The following MORC1 variants were observed in gnomAD, a reference collection of about 807,000 sequenced individuals.
MORC1 encodes the protein MORC family CW-type zinc finger 1, also known as MORC family CW-type zinc finger protein 1.
A neutral mutation model predicts 134.9 loss-of-function variants in MORC1; 59 were observed. The ratio of observed to expected loss-of-function variants is 0.44; its 90% CI spans 0.35 to 0.54. The LOEUF is 0.54. Ranked by LOEUF, MORC1 falls within the 20% of genes least tolerant of loss-of-function variation. The pLI, the probability that MORC1 is intolerant of heterozygous loss-of-function variation, is 0.00. For missense variants in MORC1, 947 were observed against 1,134.5 expected, an observed-to-expected ratio of 0.83 and a Z score of 2.37; for synonymous variants, 395 against 391.7, an observed-to-expected ratio of 1.01 and a Z score of -0.10.
chr3:108,963,071 C>A (rs1353611847), intron 27 of MORC1, among the ~76,000 whole-genome samples: 1 of 151,934 alleles, frequency 6.6e-6, no homozygotes, highest in East Asian at 1.9e-4. Context: ...GCCTGTAGTT[C>A]CAGCTACTCG....
At chr3:109,042,091 A>G (rs1237807933) in intron 14 of MORC1, among the ~76,000 whole-genome samples, 1 of 152,208 alleles carries the variant, frequency 6.6e-6, no homozygotes, top group Non-Finnish European at 1.5e-5. Context: ...ATACCACTTT[A>G]TACTCATTAG....
At chr3:108,976,915 G>A (rs1035706662) in intron 24 of MORC1, among the ~76,000 whole-genome samples, 3 of 151,992 alleles carry the variant, frequency 2.0e-5, no homozygotes, top group Non-Finnish European at 4.4e-5. Context: ...TTGATCACAT[G>A]TAACTCACTA....
At chr3:109,087,179 A>AAAC (rs10648829) in intron 8 of MORC1, among the ~76,000 whole-genome samples, 128,622 of 151,680 alleles carry the variant, frequency 0.85, 54,731 homozygotes, top group East Asian at 0.93. Flanking sequence ...ACCACCTGGC[A>AAAC]AACAAGGGAG....
intron 24 of MORC1, among the ~76,000 whole-genome samples, chr3:108,977,307 A>G (rs1357783721): frequency 1.3e-5 from 2 of 152,250 alleles, no homozygotes. Context: ...AAACTAATTT[A>G]TAAAAAGTAA....
intron 21 of MORC1, among the ~76,000 whole-genome samples, chr3:108,996,869 G>C (rs1948245686): frequency 6.6e-6 from 1 of 151,940 alleles, no homozygotes; most frequent in Non-Finnish European, 1.5e-5. Context: ...AATTAGCCGG[G>C]CATGGTGGCG....
chr3:108,971,527 C>G, intron 24 of MORC1, 125 bp from the exon 25 acceptor site: 1 of 760,952 alleles, frequency 1.3e-6, no homozygotes, highest in South Asian at 1.8e-5. Context: ...TAGTTCCCCC[C>G]AAACATTTTG....
At chr3:108,959,239 A>C in intron 27 of MORC1, 119 bp from the exon 28 acceptor site, 1 of 744,746 alleles carries the variant, frequency 1.3e-6, no homozygotes, top group Non-Finnish European at 2.1e-6. Flanking sequence ...GCCACCTTAC[A>C]TTTGAATCAT....
chr3:109,099,281 C>T (rs930144707), intron 6 of MORC1, 77 bp downstream of exon 6: 7 of 1,012,342 alleles, frequency 6.9e-6, no homozygotes, highest in Middle Eastern at 2.1e-4. Flanking sequence ...GAACCCATGA[C>T]AAGACTTCAC....
At chr3:109,026,856 G>C (rs534529540) in intron 17 of MORC1, among the ~76,000 whole-genome samples, 2 of 152,140 alleles carry the variant, frequency 1.3e-5, no homozygotes, top group Non-Finnish European at 2.9e-5. Context: ...GAGACCCTAA[G>C]ACTCCAGGGT....
At chr3:109,102,037 G>A (rs1004853071) in intron 4 of MORC1, among the ~76,000 whole-genome samples, 16 of 152,142 alleles carry the variant, frequency 1.1e-4, no homozygotes, top group African/African-American at 3.9e-4. Context: ...ACTATGTCAT[G>A]GTAGGAGAAA....
intron 23 of MORC1, among the ~76,000 whole-genome samples, chr3:108,980,592 A>T (rs1435401449): frequency 6.6e-6 from 1 of 152,188 alleles, no homozygotes; most frequent in African/African-American, 2.4e-5. Flanking sequence ...TTTGGAATAA[A>T]AAGTCACTTT....
intron 8 of MORC1, among the ~76,000 whole-genome samples, chr3:109,079,548 G>A (rs1950487382): frequency 6.6e-6 from 1 of 151,742 alleles, no homozygotes; most frequent in Non-Finnish European, 1.5e-5. Flanking sequence ...ATAGTAACTA[G>A]AATAAATATC....
At chr3:109,100,559 C>T (rs760430215) in intron 4 of MORC1, 52 bp from the exon 5 acceptor site, 9 of 1,378,874 alleles carry the variant, frequency 6.5e-6, no homozygotes, top group Non-Finnish European at 8.3e-6. Flanking sequence ...TTGACACTGG[C>T]CTGAGGCCCA....
intron 2 of MORC1, 135 bp downstream of exon 2, chr3:109,114,249 G>C (rs1951226473): frequency 2.9e-6 from 2 of 690,256 alleles, no homozygotes; most frequent in South Asian, 5.5e-5. Context: ...AGAACACCTT[G>C]ATTTTATAGG....
chr3:109,011,040 T>G (rs1948669264), intron 17 of MORC1, among the ~76,000 whole-genome samples: 1 of 152,220 alleles, frequency 6.6e-6, no homozygotes, highest in Non-Finnish European at 1.5e-5. Context: ...CTGGGTCATA[T>G]GATAGGTATA....
intron 26 of MORC1, among the ~76,000 whole-genome samples, chr3:108,967,991 T>C (rs999994378): frequency 7.2e-5 from 11 of 152,196 alleles, no homozygotes; most frequent in African/African-American, 1.2e-4. Context: ...CTAAAAGAGA[T>C]AGTGGTACCT....
intron 17 of MORC1, among the ~76,000 whole-genome samples, chr3:109,016,329 A>G (rs1348045897): frequency 2.0e-5 from 3 of 152,130 alleles, no homozygotes; most frequent in East Asian, 1.9e-4. Context: ...CCATCTCCAC[A>G]AAGATTGTTC....
intron 8 of MORC1, among the ~76,000 whole-genome samples, chr3:109,083,916 T>C (rs1284851675): frequency 2.0e-5 from 3 of 152,170 alleles, no homozygotes; most frequent in East Asian, 3.9e-4. Context: ...AACCCTAGGA[T>C]CATTTCAATT....
chr3:109,027,677 T>G, intron 17 of MORC1, 74 bp downstream of exon 17: 1 of 1,565,212 alleles, frequency 6.4e-7, no homozygotes, highest in East Asian at 2.2e-5. Context: ...TAAACCACTT[T>G]AGTCAATTTG....
Sources: gnomAD v4.1 joint callset for allele counts (sites outside exome capture counted in the v4.1 genomes callset) on GRCh38, gnomAD v4.1.1 for gene constraint, MANE v1.5 for transcripts, NCBI Gene and HGNC (gene_info 2026-07-23, HGNC 2026-07-21) for gene names.